PPIL6: variants seen among roughly 807,000 people sequenced by gnomAD.
PPIL6 encodes the protein peptidylprolyl isomerase like 6.
In PPIL6, 39 loss-of-function variants were observed where a neutral mutation model predicts 36.8. The observed-to-expected ratio is 1.06, with a 90% CI of 0.82 to 1.38. The LOEUF is 1.38. Ranked by LOEUF, PPIL6 falls within the 40% of genes most tolerant of loss-of-function variation. The pLI is 0.00. For synonymous variants in PPIL6, 123 were observed against 134.1 expected (o/e 0.92, Z 0.57); for missense variants, 368 against 379.1 (o/e 0.97, Z 0.24).
At position 109,400,056 on chromosome 6, in the gene PPIL6, T is replaced by A; in HGVS notation, c.803A>T (p.Asp268Val). The A allele has an allele frequency of 6.2e-7, 1 of 1,612,346 alleles. No individual in the cohort carries two copies. Among genetic ancestry groups the A allele is most frequent in the Non-Finnish European group, 8.5e-7 (1 of 1,178,848 alleles). ...YITLQATPYLDRKFVAFGQLI... is the reference protein window; with the variant it reads ...YITLQATPYLVRKFVAFGQLI... ...ATACCCAAAAGCCACAAATTTTCTA[T>A]CTAGATAAGGAGTTGCTTGCAGTGT... Residue 268 changes from aspartate to valine, a missense_variant, in exon 7 of 8, where the codon GAT becomes GTT. Asp to Val is a radical substitution (Grantham distance 152, BLOSUM62 -3). Transcript: ENST00000521072.
intron 6 of PPIL6, among the ~76,000 whole-genome samples, chr6:109,401,333 A>G (rs550564203): frequency 6.6e-6 from 1 of 152,316 alleles, no homozygotes; most frequent in Admixed American, 6.5e-5. Flanking sequence ...CTTTGCCTCC[A>G]AGTTCAAATA....
intron 2 of PPIL6, 93 bp from the exon 3 acceptor site, chr6:109,431,438 G>T: frequency 1.3e-6 from 1 of 793,144 alleles, no homozygotes; most frequent in Non-Finnish European, 1.9e-6. Context: ...TCAACTCTAG[G>T]TCTGAATTTG....
At chr6:109,393,398 T>C (rs1772172151) in intron 7 of PPIL6, among the ~76,000 whole-genome samples, 1 of 152,076 alleles carries the variant, frequency 6.6e-6, no homozygotes, top group South Asian at 2.1e-4. Flanking sequence ...TTTTTGTTTA[T>C]TTATTTTTGT....
At chr6:109,438,529 C>T (rs900585790) in intron 1 of PPIL6, among the ~76,000 whole-genome samples, 8 of 151,826 alleles carry the variant, frequency 5.3e-5, no homozygotes, top group Admixed American at 1.3e-4. Flanking sequence ...ATTGTTTTCT[C>T]GACCTACTGT....
intron 7 of PPIL6, among the ~76,000 whole-genome samples, chr6:109,394,163 C>A (rs1420893232): frequency 6.6e-6 from 1 of 152,026 alleles, no homozygotes; most frequent in African/African-American, 2.4e-5. Context: ...CTGAGCACAG[C>A]AGTTTGAGAC....
In PPIL6 at chr6:109,431,157, C is replaced by G; in HGVS notation, c.420G>C (p.Lys140Asn). The G allele has an allele frequency of 6.3e-7, 1 of 1,593,514 alleles. No individual in the cohort carries two copies. The change falls in exon 3 of 8, where the codon AAG (lysine) becomes AAC (asparagine). Residue 140 changes from lysine to asparagine, a missense_variant and splice_region_variant. Transcript: ENST00000521072. Reference protein sequence around the residue: ...DFSAKFLRDTKHDFVFLDICI... With the variant: ...DFSAKFLRDTNHDFVFLDICI... ...TTCTTTAAAAGTTAGTATAACTTGC[C>G]TTGGTGTCTCTTAAGAACTTAGCGG...
chr6:109,409,262 T>C (rs985496745), intron 6 of PPIL6, among the ~76,000 whole-genome samples: 1 of 151,972 alleles, frequency 6.6e-6, no homozygotes, highest in East Asian at 1.9e-4. Context: ...GGGGTCCAAA[T>C]TGGAAAGAAA....
At chr6:109,405,481 G>A (rs534361648) in intron 6 of PPIL6, among the ~76,000 whole-genome samples, 2 of 152,226 alleles carry the variant, frequency 1.3e-5, no homozygotes, top group Non-Finnish European at 2.9e-5. Flanking sequence ...TCCCAGTCTG[G>A]AGTCTGTTGA....
chr6:109,425,722 C>T (rs371497300), intron 5 of PPIL6, among the ~76,000 whole-genome samples: 1 of 147,144 alleles, frequency 6.8e-6, no homozygotes, highest in South Asian at 2.1e-4. Context: ...TGCACTACAG[C>T]CTGGGCGACA....
At chr6:109,395,831 C>CTTT (rs35305087) in intron 7 of PPIL6, among the ~76,000 whole-genome samples, 1 of 106,590 alleles carries the variant, frequency 9.4e-6, no homozygotes, top group African/African-American at 3.9e-5. Context: ...GTCTCGATCT[C>CTTT]TTTTTTTTTT....
chr6:109,398,605 T>G (rs990735400), intron 7 of PPIL6, among the ~76,000 whole-genome samples: 1 of 152,226 alleles, frequency 6.6e-6, no homozygotes, highest in Non-Finnish European at 1.5e-5. Flanking sequence ...CTATCATCCA[T>G]TTTAGGTCCA....
At chr6:109,393,260 C>T (rs1366407142) in intron 7 of PPIL6, among the ~76,000 whole-genome samples, 1 of 151,884 alleles carries the variant, frequency 6.6e-6, no homozygotes, top group Non-Finnish European at 1.5e-5. Flanking sequence ...CTCTGTTGCC[C>T]AGGCTGGAGT....
Position 109,419,256 on chromosome 6 carries a change from A to C in PPIL6, c.632-13T>G, listed in dbSNP as rs778081040. On this transcript the variant is annotated splice_polypyrimidine_tract_variant and intron_variant, in intron 5 of 7. Transcript: ENST00000521072. ...CCATACACTATATCTGAGAAATAGC[A>C]ACAAATAAACATTAGAATTTTGAGA... 4 of 1,472,580 alleles carry C rather than the reference A, an allele frequency of 2.7e-6. No individual in the cohort carries two copies. In the African/African-American group the frequency reaches 5.6e-5, roughly 21 times the overall value. The allele number at this position is 1,472,580 out of a possible 1,614,324, so 91.2% of individuals were successfully genotyped here. A position where few individuals can be genotyped will look rare whatever the true frequency, so the allele number is the denominator to read the frequency against.
At chr6:109,421,561 C>T (rs1027591870) in intron 5 of PPIL6, among the ~76,000 whole-genome samples, 1 of 151,490 alleles carries the variant, frequency 6.6e-6, no homozygotes, top group African/African-American at 2.5e-5. Flanking sequence ...TCATTATCAT[C>T]ATCTTCATCA....
intron 6 of PPIL6, among the ~76,000 whole-genome samples, chr6:109,407,317 G>A (rs1772841334): frequency 6.6e-6 from 1 of 151,362 alleles, no homozygotes; most frequent in African/African-American, 2.4e-5. Flanking sequence ...TCGGCTCACT[G>A]CAAGCTCTGC....
At chr6:109,402,731 C>T (rs1582533150) in intron 6 of PPIL6, among the ~76,000 whole-genome samples, 2 of 152,244 alleles carry the variant, frequency 1.3e-5, no homozygotes, top group South Asian at 2.1e-4. Context: ...GAAAACTAAA[C>T]GACTGTGTGT....
At chr6:109,395,243 C>T (rs1772247292) in intron 7 of PPIL6, among the ~76,000 whole-genome samples, 1 of 152,002 alleles carries the variant, frequency 6.6e-6, no homozygotes, top group African/African-American at 2.4e-5. Context: ...CCCATCTCTA[C>T]TAAAAATACA....
At chr6:109,434,272 T>C (rs1774324422) in intron 2 of PPIL6, among the ~76,000 whole-genome samples, 3 of 152,110 alleles carry the variant, frequency 2.0e-5, no homozygotes, top group Non-Finnish European at 1.5e-5. Context: ...TTTATGTATA[T>C]AAGCTGGGCA....
intron 6 of PPIL6, among the ~76,000 whole-genome samples, chr6:109,408,295 C>G (rs1479445431): frequency 1.3e-5 from 2 of 152,090 alleles, no homozygotes; most frequent in African/African-American, 4.8e-5. Context: ...CCTTATAAAT[C>G]ACTTGCTCTT....
Sources: gnomAD v4.1 joint callset for allele counts (sites outside exome capture counted in the v4.1 genomes callset) on GRCh38, gnomAD v4.1.1 for gene constraint, MANE v1.5 for transcripts, NCBI Gene and HGNC (gene_info 2026-07-23, HGNC 2026-07-21) for gene names.